Variants in SASH1 observed in about 807,000 individuals in gnomAD.
SASH1 encodes SAM and SH3 domain containing 1, also known as SAM and SH3 domain-containing protein 1.
In SASH1, 44 loss-of-function variants were observed where a neutral mutation model predicts 125.2. That is an observed-to-expected ratio of 0.35 (90% CI 0.28 to 0.45). The LOEUF (loss-of-function observed/expected upper bound fraction) is 0.45. Ranked by LOEUF, SASH1 falls within the 20% of genes least tolerant of loss-of-function variation. The pLI is 1.00. For missense variants in SASH1, 1,426 were observed against 1,614.5 expected (o/e 0.88, Z 2.00); for synonymous variants, 639 against 649.1 (o/e 0.98, Z 0.24).
the SASH1 span, among the ~76,000 whole-genome samples, chr6:148,214,262 A>G: frequency 2.6e-5 from 4 of 152,270 alleles, 1 homozygote; most frequent in South Asian, 8.3e-4. Flanking sequence ...CGTGAAGTTA[A>G]AAAAATAGGC....
intron 4 of SASH1, among the ~76,000 whole-genome samples, chr6:148,461,835 A>C (rs1194066594): frequency 6.6e-6 from 1 of 152,244 alleles, no homozygotes; most frequent in African/African-American, 2.4e-5. Context: ...GAAATATTAA[A>C]TTGAGGAATT....
the SASH1 span, among the ~76,000 whole-genome samples, chr6:148,211,252 G>A: frequency 6.6e-6 from 1 of 152,168 alleles, no homozygotes; most frequent in Non-Finnish European, 1.5e-5. Flanking sequence ...GGTCTCCTGG[G>A]TTGGCAAAGA....
the SASH1 span, among the ~76,000 whole-genome samples, chr6:148,246,282 T>C: frequency 6.6e-6 from 1 of 152,352 alleles, no homozygotes; most frequent in African/African-American, 2.4e-5. Flanking sequence ...TTCATGTATT[T>C]TCCTCTGGCA....
intron 1 of SASH1, among the ~76,000 whole-genome samples, chr6:148,310,278 C>T (rs11968918): frequency 1.7e-4 from 26 of 151,942 alleles, no homozygotes; most frequent in African/African-American, 5.1e-4. Context: ...GCCAAGATTG[C>T]GACACTGCAC....
At chr6:148,508,487 G>A in intron 8 of SASH1, 2 of 1,005,372 alleles carry the variant, frequency 2.0e-6, no homozygotes, top group South Asian at 4.2e-5. Context: ...AGGAGGTCAG[G>A]GAGCCTTCCT....
At chr6:148,376,892 C>T (rs1156783188) in intron 1 of SASH1, among the ~76,000 whole-genome samples, 2 of 151,490 alleles carry the variant, frequency 1.3e-5, no homozygotes, top group Non-Finnish European at 2.9e-5. Flanking sequence ...GAAACTCGGC[C>T]GGGCGCGGTG....
intron 1 of SASH1, among the ~76,000 whole-genome samples, chr6:148,315,322 CTT>C (rs1273227380): frequency 6.6e-6 from 1 of 152,068 alleles, no homozygotes; most frequent in Non-Finnish European, 1.5e-5. Context: ...TGCAAACTAA[CTT>C]TTTTATTTGT....
At chr6:148,430,586 C>A (rs903802230) in intron 2 of SASH1, among the ~76,000 whole-genome samples, 1 of 152,256 alleles carries the variant, frequency 6.6e-6, no homozygotes, top group African/African-American at 2.4e-5. Flanking sequence ...CCCGCCTTGG[C>A]CTCCCAGAGT....
At chr6:148,410,197 G>A (rs1245019369) in intron 2 of SASH1, among the ~76,000 whole-genome samples, 6 of 123,918 alleles carry the variant, frequency 4.8e-5, no homozygotes, top group Non-Finnish European at 8.0e-5. Context: ...TGCAACCTCC[G>A]CCTCCCGGGT....
chr6:148,546,135 C>T lies in SASH1; in HGVS notation c.3469C>T (p.His1157Tyr), dbSNP rs145253857. 2.5e-6 allele frequency: 4 copies of T among 1,614,020 alleles called. No homozygotes were observed. In the South Asian group the frequency reaches 4.4e-5, roughly 18 times the overall value. The change falls in exon 19 of 20, where the codon CAC becomes TAC. Residue 1157 changes from histidine to tyrosine, a missense_variant. Physicochemically the swap from His to Tyr is moderately conservative, Grantham distance 83. Coordinates refer to ENST00000367467, the MANE Select transcript of SASH1 (RefSeq NM_015278.5). ...CCGGGTGAAGCAGCTTCGGAAGCAG[C>T]ACCGCATGGCGGTGAGCAGCCCACA... ...QIRVKQLRKQ[H>Y]RMAIPSGGLT...
the SASH1 span, among the ~76,000 whole-genome samples, chr6:148,215,216 G>A: frequency 6.6e-6 from 1 of 152,126 alleles, no homozygotes; most frequent in African/African-American, 2.4e-5. Context: ...GCTTTAAATT[G>A]CTTTCGGCCT....
At chr6:148,323,176 A>G (rs1191971193) in intron 1 of SASH1, among the ~76,000 whole-genome samples, 1 of 151,954 alleles carries the variant, frequency 6.6e-6, no homozygotes, top group Non-Finnish European at 1.5e-5. Context: ...TGCCCAGCTA[A>G]TTTTTGTACT....
intron 1 of SASH1, among the ~76,000 whole-genome samples, chr6:148,349,516 G>A (rs967306501): frequency 2.0e-5 from 3 of 151,832 alleles, no homozygotes; most frequent in Admixed American, 6.6e-5. Context: ...TGCCTGCCTC[G>A]GCCTTCCAAA....
At chr6:148,373,608 A>G (rs1282558599) in intron 1 of SASH1, among the ~76,000 whole-genome samples, 1 of 152,162 alleles carries the variant, frequency 6.6e-6, no homozygotes, top group African/African-American at 2.4e-5. Flanking sequence ...GATCTTTCCA[A>G]CTGTTGTGTT....
chr6:148,427,967 T>C (rs1775898588), intron 2 of SASH1, among the ~76,000 whole-genome samples: 1 of 152,250 alleles, frequency 6.6e-6, no homozygotes. Context: ...ATTTTCCATG[T>C]GGTATCTTTC....
At chr6:148,337,454 G>A (rs1173057969) in intron 1 of SASH1, among the ~76,000 whole-genome samples, 1 of 152,094 alleles carries the variant, frequency 6.6e-6, no homozygotes, top group Non-Finnish European at 1.5e-5. Flanking sequence ...TCGATCTCCT[G>A]ACCTCGTGAT....
chr6:148,215,896 C>T, the SASH1 span, among the ~76,000 whole-genome samples: 2 of 152,010 alleles, frequency 1.3e-5, no homozygotes, highest in African/African-American at 4.8e-5. Flanking sequence ...CTTGCCCTGT[C>T]GCCCAGGCTG....
At chr6:148,205,215 T>C in the SASH1 span, among the ~76,000 whole-genome samples, 1 of 152,186 alleles carries the variant, frequency 6.6e-6, no homozygotes, top group South Asian at 2.1e-4. Flanking sequence ...TGAGATCTTA[T>C]AGAAGTGGTC....
At chr6:148,404,862 G>T (rs1784315095) in intron 2 of SASH1, among the ~76,000 whole-genome samples, 1 of 149,742 alleles carries the variant, frequency 6.7e-6, no homozygotes, top group African/African-American at 2.5e-5. Context: ...CATCTGATAG[G>T]GAACTGTCCA....
Sources: gnomAD v4.1 joint callset for allele counts (sites outside exome capture counted in the v4.1 genomes callset) on GRCh38, gnomAD v4.1.1 for gene constraint, MANE v1.5 for transcripts, NCBI Gene and HGNC (gene_info 2026-07-23, HGNC 2026-07-21) for gene names.